Variants in MSN observed in about 807,000 individuals in gnomAD.
The protein encoded by MSN is moesin, also known as epididymis luminal protein 70.
A neutral mutation model predicts 48.0 loss-of-function variants in MSN; 2 were observed. The ratio of observed to expected loss-of-function variants is 0.04; its 90% CI spans 0.02 to 0.13. The LOEUF (loss-of-function observed/expected upper bound fraction) is 0.13. MSN is among the 10% of genes least tolerant of loss of function. The pLI, the probability that MSN is intolerant of heterozygous loss-of-function variation, is 1.00. For missense variants in MSN, 267 were observed against 470.1 expected (o/e 0.57, Z 3.99); for synonymous variants, 146 against 166.9 (o/e 0.87, Z 0.97).
At chrX:65,621,695 T>G (rs186587050) in intron 1 of MSN, among the ~76,000 whole-genome samples, 1 of 112,235 alleles carries the variant, frequency 8.9e-6, no homozygotes, top group Admixed American at 9.5e-5. Flanking sequence ...ACAGATTGCA[T>G]TAAATCTGTA....
chrX:65,592,445 C>T (rs1177886102), intron 1 of MSN, among the ~76,000 whole-genome samples: 2 of 109,015 alleles, frequency 1.8e-5, no homozygotes, highest in African/African-American at 6.7e-5. Flanking sequence ...CTGCCCACCT[C>T]GGCCTTCCAA....
chrX:65,737,057 G>C, intron 9 of MSN, 121 bp from the exon 10 acceptor site: 15 of 1,124,774 alleles, frequency 1.3e-5, no homozygotes, highest in Non-Finnish European at 1.8e-5. Context: ...GAATGGGCAA[G>C]AAGAGAGCTC....
intron 1 of MSN, among the ~76,000 whole-genome samples, chrX:65,637,585 C>T (rs986857430): frequency 9.0e-6 from 1 of 111,332 alleles, no homozygotes; most frequent in African/African-American, 3.3e-5. Flanking sequence ...GTTCCTAGAA[C>T]ATATGAGCTC....
intron 2 of MSN, 33 bp from the exon 3 acceptor site, chrX:65,727,781 T>A (rs371850085): frequency 5.3e-6 from 6 of 1,122,535 alleles, no homozygotes; most frequent in Non-Finnish European, 6.1e-6. Flanking sequence ...AAGTATTCAA[T>A]CAATGGTTGG....
intron 6 of MSN, among the ~76,000 whole-genome samples, chrX:65,732,908 A>G (rs969712806): frequency 8.1e-5 from 9 of 111,381 alleles, no homozygotes; most frequent in East Asian, 2.8e-4. Context: ...CACTGAGTCT[A>G]CCTCCTCCAG....
At chrX:65,620,019 C>A (rs774545033) in intron 1 of MSN, among the ~76,000 whole-genome samples, 1 of 111,727 alleles carries the variant, frequency 9.0e-6, no homozygotes, top group African/African-American at 3.3e-5. Flanking sequence ...TTAGGCTGCT[C>A]GGGGATCAGG....
At chrX:65,663,864 C>T (rs1462857360), upstream of MSN, among the ~76,000 whole-genome samples, 1 of 109,816 alleles carries the variant, frequency 9.1e-6, no homozygotes, top group African/African-American at 3.3e-5. Flanking sequence ...CGAGACCATC[C>T]TGGCTAGCAT....
chrX:65,670,896 TTATATATATATATA>T (rs57076717), intron 1 of MSN, among the ~76,000 whole-genome samples: 519 of 13,977 alleles, frequency 0.037, 12 homozygotes, highest in African/African-American at 0.08. Context: ...ATGATGACAG[TTATATATATATATA>T]TATATATATA....
Position 65,735,352 on chromosome X carries a change from G to A in MSN, c.881G>A (p.Arg294His), listed in dbSNP as rs1466860878. 7.4e-6 allele frequency: 9 copies of A among 1,209,405 alleles called. No homozygotes were observed. The highest frequency in any genetic ancestry group is 2.2e-5 in the Admixed American group (1 of 45,875). ...CMGNHELYMR[R>H]RKPDTIEVQQ... Reference sequence around the variant, plus strand: ...GGGAACCATGAACTATACATGCGCCGTCGCAAGCCTGATACCATTGAGGTG... The same window carrying A: ...GGGAACCATGAACTATACATGCGCCATCGCAAGCCTGATACCATTGAGGTG... Residue 294 changes from arginine (R) to histidine (H), a missense_variant, in exon 8 of 13, where the codon CGT (arginine) becomes CAT (histidine). Coordinates refer to ENST00000360270, the MANE Select transcript of MSN (RefSeq NM_002444.3).
intron 1 of MSN, among the ~76,000 whole-genome samples, chrX:65,683,953 T>C (rs2071085215): frequency 9.7e-6 from 1 of 103,581 alleles, no homozygotes; most frequent in African/African-American, 3.5e-5. Flanking sequence ...TTTTTTTTTT[T>C]TTTTTGAGAT....
intron 1 of MSN, among the ~76,000 whole-genome samples, chrX:65,593,688 G>A (rs572568683): frequency 3.6e-5 from 4 of 111,812 alleles, no homozygotes; most frequent in African/African-American, 6.5e-5. Flanking sequence ...GATTACAGGC[G>A]CATGCCACCA....
chrX:65,621,082 A>AT (rs1409942075), intron 1 of MSN, among the ~76,000 whole-genome samples: 2 of 109,107 alleles, frequency 1.8e-5, no homozygotes, highest in Non-Finnish European at 3.8e-5. Context: ...CGCCTGGCTA[A>AT]TTTTTTGTAT....
intron 1 of MSN, among the ~76,000 whole-genome samples, chrX:65,654,028 G>C (rs921399296): frequency 4.6e-5 from 5 of 108,891 alleles, no homozygotes; most frequent in African/African-American, 1.7e-4. Context: ...CGCCTGCCTC[G>C]GCCTCCCAGT....
rs113220868 is a variant in MSN at position 65,741,557 on chromosome X, C to T, written c.*1664C>T. On this transcript the variant is annotated 3_prime_UTR_variant, in exon 13 of 13. Coordinates refer to ENST00000360270, the MANE Select transcript of MSN (RefSeq NM_002444.3). ...TTTTTATTATTACTGTTTGTCTTCT[C>T]CCCAGGGTTCAGTCCTCAAGGGGCC... 1,703 of 169,024 alleles carry T rather than the reference C, an allele frequency of 0.01. 45 individuals are homozygous for T. Among genetic ancestry groups the T allele is most frequent in the African/African-American group, 0.047 (1,562 of 33,433 alleles). 13.9% of individuals were successfully genotyped at this position (169,024 alleles called of 1,213,427 possible).
rs745971658 is a variant in MSN, at chrX:65,621,096, T to C, written c.-22+32484T>C. Among the ~76,000 whole-genome samples, 3 of 110,400 alleles carry C rather than the reference T, an allele frequency of 2.7e-5. No homozygotes were observed. The South Asian group carries it at 1.2e-3, about 43-fold the overall frequency. On this transcript the variant is annotated intron_variant, in intron 1 of 3. Transcript: ENST00000609672. ...ACGCCTGGCTAATTTTTTGTATTTT[T>C]AGTAGAGATGGGGTTTCACCGTGTT... is the stretch of plus-strand genomic sequence containing the variant.
chrX:65,631,273 T>C lies in MSN; in HGVS notation c.-22+42661T>C, dbSNP rs760912941. Among the ~76,000 whole-genome samples, 5 of 110,041 alleles carry C rather than the reference T, an allele frequency of 4.5e-5. No individual in the cohort carries two copies. In the East Asian group the frequency reaches 1.1e-3, roughly 25 times the overall value. ...CATGCCCGGATAATTTTTGTTTTTTTAGTAGAGATGGGATTTCACCATGTT... is the reference window on the plus strand; with the variant it reads ...CATGCCCGGATAATTTTTGTTTTTTCAGTAGAGATGGGATTTCACCATGTT... On this transcript the variant is annotated intron_variant, in intron 1 of 3. Transcript: ENST00000609672.
intron 1 of MSN, among the ~76,000 whole-genome samples, chrX:65,651,932 T>C (rs2070745592): frequency 9.4e-6 from 1 of 106,799 alleles, no homozygotes; most frequent in South Asian, 4.5e-4. Flanking sequence ...GTTTCCCTTC[T>C]ATCAGACATC....
At chrX:65,611,254 G>T (rs1275268477) in intron 1 of MSN, among the ~76,000 whole-genome samples, 1 of 107,981 alleles carries the variant, frequency 9.3e-6, no homozygotes, top group African/African-American at 3.4e-5. Context: ...CCGCCTCCCA[G>T]GTTCAAGCGA....
At chrX:65,645,680 G>A (rs1157163114) in intron 1 of MSN, among the ~76,000 whole-genome samples, 1 of 111,408 alleles carries the variant, frequency 9.0e-6, no homozygotes, top group Non-Finnish European at 1.9e-5. Flanking sequence ...CCAACATAGA[G>A]GAAACGCTTG....
Sources: gnomAD v4.1 joint callset for allele counts (sites outside exome capture counted in the v4.1 genomes callset) on GRCh38, gnomAD v4.1.1 for gene constraint, MANE v1.5 for transcripts, NCBI Gene and HGNC (gene_info 2026-07-23, HGNC 2026-07-21) for gene names.